NDUFAF2: variants seen among roughly 807,000 people sequenced by gnomAD.
The protein encoded by NDUFAF2 is NADH:ubiquinone oxidoreductase complex assembly factor 2.
NDUFAF2 carries 13 observed loss-of-function variants against 22.8 expected under a neutral mutation model. The observed-to-expected ratio is 0.57, with a 90% CI of 0.37 to 0.91. NDUFAF2 has a LOEUF of 0.91. NDUFAF2 is among the 40% of genes least tolerant of loss of function. NDUFAF2 has a pLI of 0.01. For missense variants in NDUFAF2, 162 were observed against 195.2 expected, an observed-to-expected ratio of 0.83 and a Z score of 1.01; for synonymous variants, 53 against 64.2, an observed-to-expected ratio of 0.83 and a Z score of 0.84.
chr5:60,957,700 CT>C (rs1184283942), intron 1 of NDUFAF2, among the ~76,000 whole-genome samples: 1 of 152,084 alleles, frequency 6.6e-6, no homozygotes, highest in African/African-American at 2.4e-5. Flanking sequence ...GGTAGAATTA[CT>C]TTGGTAGAAC....
chr5:61,126,977 A>G (rs1451052048), intron 3 of NDUFAF2, among the ~76,000 whole-genome samples: 1 of 152,184 alleles, frequency 6.6e-6, no homozygotes, highest in African/African-American at 2.4e-5. Flanking sequence ...CCACAGAAAT[A>G]CAAACTACCA....
chr5:61,133,328 A>T (rs1425876665), intron 3 of NDUFAF2, among the ~76,000 whole-genome samples: 1 of 152,166 alleles, frequency 6.6e-6, no homozygotes, highest in African/African-American at 2.4e-5. Flanking sequence ...ACCTTAAGCT[A>T]TTCCTAAGTT....
intron 1 of NDUFAF2, among the ~76,000 whole-genome samples, chr5:61,021,147 G>A (rs1580098464): frequency 6.6e-6 from 1 of 152,064 alleles, no homozygotes; most frequent in Non-Finnish European, 1.5e-5. Flanking sequence ...CAAATTTAGT[G>A]GCTTAAAACA....
At chr5:61,084,787 G>C (rs1220916153) in intron 2 of NDUFAF2, among the ~76,000 whole-genome samples, 1 of 152,018 alleles carries the variant, frequency 6.6e-6, no homozygotes, top group Admixed American at 6.6e-5. Flanking sequence ...TATGAATATA[G>C]GTATACAAAT....
intron 2 of NDUFAF2, among the ~76,000 whole-genome samples, chr5:61,078,902 T>C (rs1466645718): frequency 6.6e-6 from 1 of 152,246 alleles, no homozygotes; most frequent in South Asian, 2.1e-4. Context: ...TTTGTCTCTC[T>C]ATAATTCAGA....
At chr5:61,082,931 T>C (rs2111744962) in intron 2 of NDUFAF2, among the ~76,000 whole-genome samples, 1 of 152,304 alleles carries the variant, frequency 6.6e-6, no homozygotes. Context: ...TTTTTATTAG[T>C]AGTTCTTTGA....
chr5:61,121,667 T>A (rs1290337499), intron 3 of NDUFAF2, among the ~76,000 whole-genome samples: 1 of 152,056 alleles, frequency 6.6e-6, no homozygotes, highest in Non-Finnish European at 1.5e-5. Flanking sequence ...TTAAGTGAGA[T>A]TAATATTTAA....
chr5:61,085,995 G>T (rs1752501828), intron 2 of NDUFAF2, among the ~76,000 whole-genome samples: 1 of 151,906 alleles, frequency 6.6e-6, no homozygotes, highest in South Asian at 2.1e-4. Context: ...TGCACCTGTA[G>T]TCTTTCCAGC....
chr5:60,987,646 T>C (rs2112583271), intron 1 of NDUFAF2, among the ~76,000 whole-genome samples: 1 of 152,242 alleles, frequency 6.6e-6, no homozygotes, highest in East Asian at 1.9e-4. Flanking sequence ...AATCAATAAA[T>C]GTGATTCATT....
chr5:61,009,511 C>G (rs1389153376), intron 1 of NDUFAF2, among the ~76,000 whole-genome samples: 1 of 152,080 alleles, frequency 6.6e-6, no homozygotes, highest in East Asian at 1.9e-4. Flanking sequence ...CAGAATTAAA[C>G]TAAATCAATT....
chr5:61,007,789 A>G (rs1356764077), intron 1 of NDUFAF2, among the ~76,000 whole-genome samples: 1 of 152,214 alleles, frequency 6.6e-6, no homozygotes, highest in Non-Finnish European at 1.5e-5. Flanking sequence ...TGACCCAGTC[A>G]TCCCATTACT....
chr5:60,954,167 G>C (rs975308245), intron 1 of NDUFAF2, among the ~76,000 whole-genome samples: 4 of 152,128 alleles, frequency 2.6e-5, no homozygotes, highest in African/African-American at 7.2e-5. Context: ...CTGGTCCCAA[G>C]TCATTAGCTG....
At chr5:60,983,044 C>T (rs529145444) in intron 1 of NDUFAF2, among the ~76,000 whole-genome samples, 1 of 151,738 alleles carries the variant, frequency 6.6e-6, no homozygotes, top group East Asian at 2.0e-4. Context: ...TATTTCTCCA[C>T]ATCCTCTCCA....
At chr5:61,068,522 T>C (rs1752257227) in intron 1 of NDUFAF2, among the ~76,000 whole-genome samples, 1 of 152,136 alleles carries the variant, frequency 6.6e-6, no homozygotes, top group South Asian at 2.1e-4. Flanking sequence ...GTATATGTGT[T>C]TGTGTATTTA....
chr5:61,126,856 T>C (rs1292092300), intron 3 of NDUFAF2, among the ~76,000 whole-genome samples: 2 of 152,026 alleles, frequency 1.3e-5, no homozygotes, highest in African/African-American at 4.8e-5. Context: ...AGGAGCTGGT[T>C]TTTTGAAAAG....
intron 1 of NDUFAF2, among the ~76,000 whole-genome samples, chr5:60,975,998 A>G (rs1430163986): frequency 1.3e-5 from 2 of 152,238 alleles, no homozygotes; most frequent in East Asian, 3.9e-4. Flanking sequence ...TGCCCTTGGC[A>G]TATGAGCAGG....
chr5:61,136,008 TA>T (rs1257751372), intron 3 of NDUFAF2, among the ~76,000 whole-genome samples: 6 of 15,598 alleles, frequency 3.8e-4, no homozygotes, highest in African/African-American at 1.2e-3. Flanking sequence ...CCTGTCTTTA[TA>T]TATATATATA....
chr5:61,005,755 G>A (rs1205377129), intron 1 of NDUFAF2, among the ~76,000 whole-genome samples: 1 of 152,112 alleles, frequency 6.6e-6, no homozygotes, highest in Non-Finnish European at 1.5e-5. Flanking sequence ...AGAAGTGTCT[G>A]TTCATATCGT....
At chr5:60,985,861 A>G (rs1011229413) in intron 1 of NDUFAF2, among the ~76,000 whole-genome samples, 2 of 152,176 alleles carry the variant, frequency 1.3e-5, no homozygotes, top group African/African-American at 4.8e-5. Flanking sequence ...GAATTGTGGT[A>G]GTTACAATTC....
Sources: allele counts gnomAD v4.1 joint callset (sites outside exome capture counted in the v4.1 genomes callset), GRCh38; gene constraint gnomAD v4.1.1; transcripts MANE v1.5; gene names NCBI Gene and HGNC (gene_info 2026-07-23, HGNC 2026-07-21).